Variants in PMEPA1 observed in about 807,000 individuals in gnomAD.
The protein encoded by PMEPA1 is prostate transmembrane protein, androgen induced 1.
Under a neutral mutation model 23.0 loss-of-function variants are expected in PMEPA1, and 11 were observed. The observed-to-expected ratio is 0.48, with a 90% confidence interval of 0.30 to 0.79. The LOEUF (loss-of-function observed/expected upper bound fraction) is 0.79, where lower values mean the gene tolerates loss of function less well. Ranked by LOEUF, PMEPA1 falls within the 30% of genes least tolerant of loss-of-function variation. The pLI is 0.06. For synonymous variants in PMEPA1, 204 were observed against 166.4 expected, an observed-to-expected ratio of 1.23 and a Z score of -1.74; for missense variants, 377 against 390.9, an observed-to-expected ratio of 0.96 and a Z score of 0.30.
chr20:57,699,506 C>T (rs549045427), intron 1 of PMEPA1, among the ~76,000 whole-genome samples: 1 of 152,220 alleles, frequency 6.6e-6, no homozygotes, highest in Middle Eastern at 3.4e-3. Flanking sequence ...GTTAAAGAGC[C>T]CCAGGACCCC....
chr20:57,709,396 C>T (rs1275445514), intron 1 of PMEPA1, 78 bp downstream of exon 1: 10 of 982,482 alleles, frequency 1.0e-5, no homozygotes, highest in Non-Finnish European at 1.2e-5. Context: ...AGGGCCCGGA[C>T]CCCCGCTCGC....
At chr20:57,687,993 T>C (rs534686758) in intron 1 of PMEPA1, among the ~76,000 whole-genome samples, 1 of 152,300 alleles carries the variant, frequency 6.6e-6, no homozygotes, top group Admixed American at 6.5e-5. Context: ...GTTCAGTGTC[T>C]TTCCCTCTTC....
intron 1 of PMEPA1, among the ~76,000 whole-genome samples, chr20:57,702,096 G>T (rs1349408517): frequency 6.6e-6 from 1 of 152,190 alleles, no homozygotes; most frequent in Non-Finnish European, 1.5e-5. Flanking sequence ...AATGACTCGT[G>T]TTCTTTCACC....
chr20:57,692,724 G>A (rs543158048), intron 1 of PMEPA1, among the ~76,000 whole-genome samples: 2 of 152,332 alleles, frequency 1.3e-5, no homozygotes, highest in African/African-American at 4.8e-5. Flanking sequence ...GGAGCCTGAG[G>A]AACCTCCGTC....
In PMEPA1 at chr20:57,665,176, G is replaced by A. The variant is rs1183854728; in HGVS notation, c.110-5479C>T. On this transcript the variant is annotated intron_variant, in intron 1 of 3. Coordinates refer to ENST00000341744, the MANE Select transcript of PMEPA1 (RefSeq NM_020182.5). ...TCATGATTCTAACACATGACCCGGG[G>A]CCACTGAGCTGAGCCTCCCCAATTT... Among the ~76,000 whole-genome samples, 3 of 152,162 alleles carry A rather than the reference G, an allele frequency of 2.0e-5. No individual in the cohort carries two copies. The East Asian group carries it at 5.8e-4, about 29-fold the overall frequency.
chr20:57,681,115 G>A (rs1047485087), intron 1 of PMEPA1, among the ~76,000 whole-genome samples: 1 of 152,232 alleles, frequency 6.6e-6, no homozygotes, highest in African/African-American at 2.4e-5. Context: ...TCAACCCTGG[G>A]TGCTACCAGG....
intron 1 of PMEPA1, among the ~76,000 whole-genome samples, chr20:57,672,523 C>T (rs549091138): frequency 2.0e-5 from 3 of 152,248 alleles, no homozygotes; most frequent in South Asian, 2.1e-4. Context: ...CATTGATGCC[C>T]GCCGCGTGCT....
chr20:57,679,644 A>T (rs555234271), intron 1 of PMEPA1, among the ~76,000 whole-genome samples: 1 of 152,350 alleles, frequency 6.6e-6, no homozygotes, highest in South Asian at 2.1e-4. Flanking sequence ...TGAAGGAACC[A>T]CTTGTTCAAT....
intron 2 of PMEPA1, among the ~76,000 whole-genome samples, chr20:57,657,359 G>T (rs6070207): frequency 6.6e-6 from 1 of 152,210 alleles, no homozygotes; most frequent in Non-Finnish European, 1.5e-5. Context: ...GGACGGAATA[G>T]GCTGTGGGCT....
chr20:57,706,382 T>C (rs1192076888), intron 1 of PMEPA1, among the ~76,000 whole-genome samples: 1 of 152,186 alleles, frequency 6.6e-6, no homozygotes. Context: ...TCCTCAAAAG[T>C]AGCCGCTTCA....
intron 1 of PMEPA1, among the ~76,000 whole-genome samples, chr20:57,663,459 C>A (rs750237160): frequency 6.6e-6 from 1 of 152,084 alleles, no homozygotes; most frequent in Non-Finnish European, 1.5e-5. Flanking sequence ...GCAGGATGTG[C>A]GGGGGACATG....
chr20:57,705,879 G>A (rs1273640939), intron 1 of PMEPA1, among the ~76,000 whole-genome samples: 3 of 152,154 alleles, frequency 2.0e-5, no homozygotes, highest in Admixed American at 6.5e-5. Context: ...AGCACAGGAC[G>A]GCCTTTCCTG....
intron 1 of PMEPA1, chr20:57,699,903 G>A (rs2071988480): frequency 7.6e-6 from 3 of 395,084 alleles, no homozygotes; most frequent in African/African-American, 2.1e-5. Context: ...TCCCGGCCTC[G>A]GCGGTTGGAA....
At chr20:57,664,535 G>A (rs2071466903) in intron 1 of PMEPA1, among the ~76,000 whole-genome samples, 1 of 149,762 alleles carries the variant, frequency 6.7e-6, no homozygotes, top group South Asian at 2.1e-4. Flanking sequence ...CTCTCCACCC[G>A]CGGCAGCTCG....
At position 57,704,815 on chromosome 20, in the gene PMEPA1, G is replaced by A. The variant is rs112855365; in HGVS notation, c.109+4659C>T. 3.2e-3 allele frequency among the ~76,000 whole-genome samples: 492 copies of A among 152,318 alleles called. 2 individuals carry two copies. The highest frequency in any genetic ancestry group is 0.011 in the African/African-American group (458 of 41,580). ...GCACACCTGACCCCGTGGCTCTGGG[G>A]CAATTTGGTGGCGGGTGCATCTTGC... On this transcript the variant is annotated intron_variant, in intron 1 of 3. Coordinates refer to ENST00000341744, the MANE Select transcript of PMEPA1 (RefSeq NM_020182.5). This position sits in a 1 kb window ranked among gnomAD's most constrained non-coding sequence, Gnocchi z 4.6.
At position 57,656,714 on chromosome 20, in the gene PMEPA1, T is replaced by C. The variant is rs1294887678; in HGVS notation, c.264+2829A>G. 6.6e-6 allele frequency among the ~76,000 whole-genome samples: 1 copy of C among 152,202 alleles called. No homozygotes were observed. Among genetic ancestry groups the C allele is most frequent in the African/African-American group, 2.4e-5 (1 of 41,456 alleles). On this transcript the variant is annotated intron_variant, in intron 2 of 3. Coordinates refer to ENST00000341744, the MANE Select transcript of PMEPA1 (RefSeq NM_020182.5). The surrounding 1 kb of genome is among the most constrained non-coding windows in gnomAD (Gnocchi z 4.7). ...AGAAAAGACCTCAGAGCTCAGGGTC[T>C]TACCTGAGATGGTGAGGCAGGTGGG...
At position 57,683,558 on chromosome 20, in the gene PMEPA1, T is replaced by TGCGTGTGC. The variant is rs5842189; in HGVS notation, c.110-23862_110-23861insGCACACGC. ...GGTGGTGTTCTGGCCTGTGTGCGTG[T>TGCGTGTGC]GTGTGTGTGTGTGTGTGTGTGTGTG... On this transcript the variant is annotated intron_variant, in intron 1 of 3. Transcript: ENST00000341744. The surrounding 1 kb of genome is among the most constrained non-coding windows in gnomAD (Gnocchi z 4.3). Among the ~76,000 whole-genome samples, 4 of 141,010 alleles carry TGCGTGTGC rather than the reference T, an allele frequency of 2.8e-5. No individual in the cohort carries two copies. Among genetic ancestry groups the TGCGTGTGC allele is most frequent in the Non-Finnish European group, 6.1e-5 (4 of 65,894 alleles). The allele number at this position is 141,010 out of a possible 152,430, so 92.5% of individuals were successfully genotyped here.
At chr20:57,700,984 C>T (rs1405272332) in intron 1 of PMEPA1, among the ~76,000 whole-genome samples, 4 of 150,972 alleles carry the variant, frequency 2.6e-5, no homozygotes, top group African/African-American at 7.3e-5. Flanking sequence ...GAGCTGAGAT[C>T]GCACCACTGC....
rs753431114 is a variant in PMEPA1 at position 57,650,171 on chromosome 20, G to A, written c.*1882C>T. 5.3e-5 allele frequency: 8 copies of A among 152,216 alleles called. No homozygotes were observed. The highest frequency in any genetic ancestry group is 1.2e-4 in the Non-Finnish European group (8 of 68,038). The allele number at this position is 152,216 out of a possible 1,614,324, so 9.4% of individuals were successfully genotyped here. On this transcript the variant is annotated 3_prime_UTR_variant, in exon 4 of 4. Transcript: ENST00000341744. ...CGTTTCACATGCATGAGCTCGAGTG[G>A]CTAGAACTTCAAAACTGTGCTCAGG... is the stretch of plus-strand genomic sequence containing the variant.
Sources: gnomAD v4.1 joint callset for allele counts (sites outside exome capture counted in the v4.1 genomes callset) on GRCh38, gnomAD v4.1.1 for gene constraint, Gnocchi (gnomAD v3.1) non-coding constraint, MANE v1.5 for transcripts, NCBI Gene and HGNC (gene_info 2026-07-23, HGNC 2026-07-21) for gene names.